The following TBCE variants were observed in gnomAD, a reference collection of about 807,000 sequenced individuals.
TBCE encodes tubulin folding cofactor E, also known as tubulin-specific chaperone E.
TBCE carries 53 observed loss-of-function variants against 77.0 expected under a neutral mutation model. The ratio of observed to expected loss-of-function variants is 0.69; its 90% confidence interval spans 0.55 to 0.87. The LOEUF (loss-of-function observed/expected upper bound fraction) is 0.87, where lower values mean the gene tolerates loss of function less well. Among genes scored for constraint, TBCE ranks in the 40% least tolerant of loss-of-function variants. The pLI is 0.00. For missense variants in TBCE, 624 were observed against 622.4 expected, an observed-to-expected ratio of 1.00 and a Z score of -0.03; for synonymous variants, 235 against 241.3, an observed-to-expected ratio of 0.97 and a Z score of 0.24.
At chr1:235,445,090 G>A (rs1337058669) in intron 15 of TBCE, among the ~76,000 whole-genome samples, 1 of 152,192 alleles carries the variant, frequency 6.6e-6, no homozygotes, top group African/African-American at 2.4e-5. Flanking sequence ...GCAGAGATTC[G>A]ACTATCCATA....
intron 2 of TBCE, among the ~76,000 whole-genome samples, chr1:235,386,956 G>T (rs1678047096): frequency 6.6e-6 from 1 of 152,202 alleles, no homozygotes; most frequent in East Asian, 1.9e-4. Flanking sequence ...TTTGATGATG[G>T]TGATGTACAG....
At chr1:235,442,527 G>A (rs1366354421) in intron 14 of TBCE, among the ~76,000 whole-genome samples, 1 of 152,136 alleles carries the variant, frequency 6.6e-6, no homozygotes, top group Non-Finnish European at 1.5e-5. Context: ...TAACTCCTAT[G>A]TTTTAAACTC....
At chr1:235,381,788 CT>C (rs1558348246) in intron 2 of TBCE, among the ~76,000 whole-genome samples, 1 of 126,240 alleles carries the variant, frequency 7.9e-6, no homozygotes. Flanking sequence ...TCTTTTTTTT[CT>C]TTTTTTAATT....
intron 1 of TBCE, among the ~76,000 whole-genome samples, chr1:235,379,588 G>C (rs573498016): frequency 5.5e-4 from 84 of 151,860 alleles, no homozygotes; most frequent in Non-Finnish European, 1.1e-3. Flanking sequence ...GTTTGAGCTA[G>C]AGACCCACAT....
intron 1 of TBCE, among the ~76,000 whole-genome samples, chr1:235,376,163 A>G (rs918239794): frequency 1.4e-4 from 20 of 146,882 alleles, no homozygotes; most frequent in African/African-American, 7.3e-5. Flanking sequence ...GTAGGAATGG[A>G]AAAAAAAAAT....
chr1:235,405,128 A>C (rs945997603), intron 3 of TBCE, among the ~76,000 whole-genome samples: 1 of 151,518 alleles, frequency 6.6e-6, no homozygotes, highest in Non-Finnish European at 1.5e-5. Context: ...ATGCCCAGCT[A>C]ATTTTTGTAT....
Position 235,449,971 on chromosome 1 carries a change from C to A in TBCE, c.*1209C>A. The A allele has an allele frequency of 2.7e-6, 1 of 365,568 alleles. No individual in the cohort carries two copies. Among genetic ancestry groups the A allele is most frequent in the Non-Finnish European group, 4.9e-6 (1 of 205,136 alleles). 22.6% of individuals were successfully genotyped at this position (365,568 alleles called of 1,614,324 possible). A position where few individuals can be genotyped will look rare whatever the true frequency, so the allele number is the denominator to read the frequency against. On this transcript the variant is annotated 3_prime_UTR_variant, in exon 17 of 17. Transcript: ENST00000642610. ...TTTTATAAAATAACTTGGTATTTTT[C>A]TGATAATCTTCCAATAGATAAATAA...
At chr1:235,386,198 A>G (rs1192842744) in intron 2 of TBCE, among the ~76,000 whole-genome samples, 2 of 152,102 alleles carry the variant, frequency 1.3e-5, no homozygotes, top group Non-Finnish European at 2.9e-5. Flanking sequence ...TGTTAGTCTG[A>G]TGGGCTTCCC....
At chr1:235,438,677 T>C in intron 12 of TBCE, 92 bp from the exon 13 acceptor site, 1 of 1,441,478 alleles carries the variant, frequency 6.9e-7, no homozygotes, top group South Asian at 1.2e-5. Context: ...ATTTTCTGCA[T>C]GTGCTATGGA....
At chr1:235,401,457 C>T in intron 2 of TBCE, 46 bp from the exon 3 acceptor site, 1 of 1,519,982 alleles carries the variant, frequency 6.6e-7, no homozygotes, top group Non-Finnish European at 9.1e-7. Context: ...TGGAGCATTG[C>T]CTGTATCATC....
intron 13 of TBCE, among the ~76,000 whole-genome samples, chr1:235,440,502 C>T (rs571505971): frequency 6.6e-6 from 1 of 152,242 alleles, no homozygotes; most frequent in African/African-American, 2.4e-5. Context: ...AAGTGATTCT[C>T]CTGCTTCAGC....
chr1:235,379,673 G>T (rs986021086), intron 1 of TBCE, among the ~76,000 whole-genome samples: 12 of 152,006 alleles, frequency 7.9e-5, no homozygotes, highest in African/African-American at 2.9e-4. Flanking sequence ...TATAGGCCAG[G>T]CGCGGTGGCT....
At position 235,449,025 on chromosome 1, in the gene TBCE, T is replaced by A; in HGVS notation, c.*263T>A. The A allele has an allele frequency of 2.6e-6, 1 of 378,106 alleles. No homozygotes were observed. The highest frequency in any genetic ancestry group is 2.4e-5 in the South Asian group (1 of 42,306). The allele number at this position is 378,106 out of a possible 1,614,324, so 23.4% of individuals were successfully genotyped here. On this transcript the variant is annotated 3_prime_UTR_variant, in exon 17 of 17. Coordinates refer to ENST00000642610, the MANE Select transcript of TBCE (RefSeq NM_003193.5). ...TACAGCTCATCACTGCATTTCATGA[T>A]AAGATTTAAATATTAAATAGAAAGA...
intron 2 of TBCE, among the ~76,000 whole-genome samples, chr1:235,389,598 TG>T (rs372529578): frequency 7.8e-4 from 119 of 152,130 alleles, no homozygotes; most frequent in African/African-American, 2.7e-3. Context: ...CCCAAAGTGC[TG>T]GGATTACAGG....
At chr1:235,417,107 TAAGAA>T (rs1680152964) in intron 4 of TBCE, among the ~76,000 whole-genome samples, 1 of 152,178 alleles carries the variant, frequency 6.6e-6, no homozygotes. Flanking sequence ...ATCGTACCAC[TAAGAA>T]GAGACTTACT....
At position 235,451,785 on chromosome 1, in the gene TBCE, G is replaced by A. The variant is rs537683894; in HGVS notation, c.*3023G>A. ...CCCTGCACCTTCGATGGCCAAAGTG[G>A]AAGCTGCAAGAATCCAGAACAGAAA... On this transcript the variant is annotated 3_prime_UTR_variant, in exon 17 of 17. Transcript: ENST00000642610. 1 of 152,316 alleles carries A rather than the reference G, an allele frequency of 6.6e-6. No homozygotes were observed. Among genetic ancestry groups the A allele is most frequent in the East Asian group, 1.9e-4 (1 of 5,182 alleles). The allele number at this position is 152,316 out of a possible 1,614,324, so 9.4% of individuals were successfully genotyped here.
Position 235,401,442 on chromosome 1 carries a change from A to C in TBCE, c.101-61A>C, listed in dbSNP as rs1679095787. The C allele has an allele frequency of 2.1e-6, 3 of 1,451,460 alleles. No individual in the cohort carries two copies. The South Asian group carries it at 3.4e-5, about 17-fold the overall frequency. The allele number at this position is 1,451,460 out of a possible 1,614,324, so 89.9% of individuals were successfully genotyped here. A position where few individuals can be genotyped will look rare whatever the true frequency, so the allele number is the denominator to read the frequency against. ...GCTGCAAATTGGTATTTGCTTGCAG[A>C]AAACTGGAGCATTGCCTGTATCATC... On this transcript the variant is annotated intron_variant, in intron 2 of 16. Coordinates refer to ENST00000642610, the MANE Select transcript of TBCE (RefSeq NM_003193.5).
intron 3 of TBCE, among the ~76,000 whole-genome samples, chr1:235,403,181 T>C (rs1679223718): frequency 1.3e-5 from 2 of 152,148 alleles, no homozygotes; most frequent in African/African-American, 4.8e-5. Flanking sequence ...ACCTGGACCA[T>C]GACCTTACAA....
chr1:235,448,430 A>G lies in TBCE; in HGVS notation c.1481A>G (p.Glu494Gly), dbSNP rs1199806424. The change falls in exon 16 of 17, where the codon GAA (glutamate) becomes GGA (glycine). Residue 494 changes from glutamate to glycine, a missense_variant. By Grantham distance (98) the Glu-to-Gly change is moderately conservative. Coordinates refer to ENST00000642610, the MANE Select transcript of TBCE (RefSeq NM_003193.5). ...VPVSDLLLSYESPKKPGREIE... is the reference protein window; with the variant it reads ...VPVSDLLLSYGSPKKPGREIE... Reference sequence around the variant, plus strand: ...GTGTCAGACCTTCTGTTGTCCTATGAAAGTCCCAAAGTAAGTTGCCCAGCA... The same window carrying G: ...GTGTCAGACCTTCTGTTGTCCTATGGAAGTCCCAAAGTAAGTTGCCCAGCA... 6.2e-7 allele frequency: 1 copy of G among 1,614,146 alleles called. No homozygotes were observed. Among genetic ancestry groups the G allele is most frequent in the Non-Finnish European group, 8.5e-7 (1 of 1,180,010 alleles).
Sources: allele counts gnomAD v4.1 joint callset (sites outside exome capture counted in the v4.1 genomes callset), GRCh38; gene constraint gnomAD v4.1.1; transcripts MANE v1.5; gene names NCBI Gene and HGNC (gene_info 2026-07-23, HGNC 2026-07-21).